SYTL3: variants seen among roughly 807,000 people sequenced by gnomAD.
SYTL3 encodes synaptotagmin like 3, also known as synaptotagmin-like protein 3.
SYTL3 carries 88 observed loss-of-function variants against 82.1 expected under a neutral mutation model. The observed-to-expected ratio is 1.07, with a 90% CI of 0.90 to 1.28. SYTL3 has a LOEUF of 1.28. Among genes scored for constraint, SYTL3 ranks in the 50% most tolerant of loss-of-function variants. SYTL3 has a pLI of 0.00. For missense variants in SYTL3, 831 were observed against 757.6 expected (o/e 1.10, Z -1.14); for synonymous variants, 311 against 289.4 (o/e 1.07, Z -0.76).
At chr6:158,655,761 A>G (rs1000924147) in intron 2 of SYTL3, among the ~76,000 whole-genome samples, 4 of 152,262 alleles carry the variant, frequency 2.6e-5, no homozygotes, top group South Asian at 2.1e-4. Context: ...GCACCTGTCT[A>G]CTTCGTAGAT....
At position 158,762,218 on chromosome 6, in the gene SYTL3, G is replaced by A. The variant is rs1438732711; in HGVS notation, c.1517+40G>A. 10 of 1,442,050 alleles carry A rather than the reference G, an allele frequency of 6.9e-6. 1 individual carries two copies. The highest frequency in any genetic ancestry group is 9.7e-6 in the Non-Finnish European group (10 of 1,027,592). The allele number at this position is 1,442,050 out of a possible 1,614,324, so 89.3% of individuals were successfully genotyped here. A position where few individuals can be genotyped will look rare whatever the true frequency, so the allele number is the denominator to read the frequency against. On this transcript the variant is annotated intron_variant, in intron 16 of 17. Transcript: ENST00000611299. ...TAATCAAATATTTATTGGTGATCTA[G>A]TATACATCACAACATGGCCCAGAAC...
intron 2 of SYTL3, among the ~76,000 whole-genome samples, chr6:158,659,804 G>A (rs567496788): frequency 1.3e-5 from 2 of 152,160 alleles, no homozygotes; most frequent in Non-Finnish European, 2.9e-5. Flanking sequence ...AGGTTGAAGT[G>A]GTCACTGTTT....
intron 10 of SYTL3, among the ~76,000 whole-genome samples, chr6:158,722,762 G>GTTTTTTTTTTTTTTTT (rs34189391): frequency 4.9e-5 from 4 of 80,896 alleles, no homozygotes; most frequent in Admixed American, 1.4e-4. Context: ...TCTCTTTTCT[G>GTTTTTTTTTTTTTTTT]TTTTTTTTTT....
At chr6:158,660,223 C>T (rs1018582743) in intron 2 of SYTL3, among the ~76,000 whole-genome samples, 2 of 152,148 alleles carry the variant, frequency 1.3e-5, no homozygotes, top group Non-Finnish European at 2.9e-5. Context: ...CGAGATCGCA[C>T]CACTGCACTC....
Position 158,760,724 on chromosome 6 carries a change from A to G in SYTL3, c.1393A>G (p.Lys465Glu), listed in dbSNP as rs770485347. 2.5e-6 allele frequency: 4 copies of G among 1,613,960 alleles called. No homozygotes were observed. The African/African-American group carries it at 4.0e-5, about 16-fold the overall frequency. The change falls in exon 15 of 18, where the codon AAA becomes GAA. Residue 465 changes from lysine to glutamate, a missense_variant. Transcript: ENST00000611299. ...GCTGGTTCTCCCTTCACGGCCCAGA[A>G]AACTCCAAGAGGCTCAAGAAGGTCA... ...AKLVLPSRPRKLQEAQEGTDQ... is the reference protein window; with the variant it reads ...AKLVLPSRPRELQEAQEGTDQ...
At chr6:158,720,406 CAAAAAAA>C (rs10640552) in intron 10 of SYTL3, among the ~76,000 whole-genome samples, 2 of 88,176 alleles carry the variant, frequency 2.3e-5, no homozygotes, top group Admixed American at 1.3e-4. Context: ...AACTTTGTCT[CAAAAAAA>C]AAAAAAAAAA....
intron 12 of SYTL3, among the ~76,000 whole-genome samples, chr6:158,748,459 T>C (rs1424075757): frequency 6.6e-6 from 1 of 152,206 alleles, no homozygotes; most frequent in Non-Finnish European, 1.5e-5. Context: ...TTCCTGACTT[T>C]TAAATTTCAA....
chr6:158,743,223 G>A (rs1358234569), intron 11 of SYTL3, among the ~76,000 whole-genome samples: 1 of 152,136 alleles, frequency 6.6e-6, no homozygotes, highest in African/African-American at 2.4e-5. Context: ...CAAGTCCTGT[G>A]TTGCTTACAC....
chr6:158,685,029 G>T (rs1043178244), intron 6 of SYTL3, among the ~76,000 whole-genome samples: 2 of 151,982 alleles, frequency 1.3e-5, no homozygotes, highest in Non-Finnish European at 1.5e-5. Flanking sequence ...TGATATCACA[G>T]ATATCATATA....
intron 9 of SYTL3, among the ~76,000 whole-genome samples, chr6:158,715,647 A>T (rs868338520): frequency 6.4e-5 from 1 of 15,622 alleles, no homozygotes; most frequent in Non-Finnish European, 1.3e-4. Context: ...ATACCCCCCC[A>T]CCACCCCCAC....
At chr6:158,707,709 G>A (rs1020027359) in intron 7 of SYTL3, among the ~76,000 whole-genome samples, 1 of 152,208 alleles carries the variant, frequency 6.6e-6, no homozygotes, top group Non-Finnish European at 1.5e-5. Flanking sequence ...TGAGAGATGT[G>A]AACTTCTTTG....
At chr6:158,654,461 C>G (rs1459804714) in intron 2 of SYTL3, among the ~76,000 whole-genome samples, 1 of 152,186 alleles carries the variant, frequency 6.6e-6, no homozygotes, top group Non-Finnish European at 1.5e-5. Context: ...AGATAAAGAC[C>G]AATGGAAACA....
At chr6:158,736,802 A>G (rs1215358445) in intron 11 of SYTL3, among the ~76,000 whole-genome samples, 1 of 151,738 alleles carries the variant, frequency 6.6e-6, no homozygotes, top group Non-Finnish European at 1.5e-5. Context: ...AAAAAAAAAA[A>G]AAAAGTAGAA....
At chr6:158,645,106 A>G (rs894165401), upstream of SYTL3, among the ~76,000 whole-genome samples, 1 of 152,232 alleles carries the variant, frequency 6.6e-6, no homozygotes, top group African/African-American at 2.4e-5. Context: ...GACACCTGGC[A>G]ACAAACTCGA....
chr6:158,671,092 CGG>C (rs1389656462), intron 5 of SYTL3, among the ~76,000 whole-genome samples: 1 of 151,996 alleles, frequency 6.6e-6, no homozygotes, highest in Non-Finnish European at 1.5e-5. Context: ...GCGTGAGCCA[CGG>C]CGCCCGGCCT....
At chr6:158,669,722 G>A (rs1777145807) in intron 5 of SYTL3, among the ~76,000 whole-genome samples, 1 of 152,188 alleles carries the variant, frequency 6.6e-6, no homozygotes, top group African/African-American at 2.4e-5. Context: ...TAGTTCTCAG[G>A]TTGGGTCTTG....
intron 5 of SYTL3, among the ~76,000 whole-genome samples, chr6:158,667,250 A>G (rs951694976): frequency 6.6e-6 from 1 of 152,232 alleles, no homozygotes; most frequent in Admixed American, 6.5e-5. Context: ...TCTCTGCCCT[A>G]GTGAGTCTTG....
At chr6:158,728,926 G>A (rs1403022935) in intron 11 of SYTL3, among the ~76,000 whole-genome samples, 1 of 152,232 alleles carries the variant, frequency 6.6e-6, no homozygotes, top group East Asian at 1.9e-4. Flanking sequence ...TGTAGTCCCA[G>A]CTACTCAGGA....
chr6:158,697,785 TC>T (rs998097769), intron 6 of SYTL3, among the ~76,000 whole-genome samples: 2 of 152,178 alleles, frequency 1.3e-5, no homozygotes, highest in African/African-American at 4.8e-5. Context: ...CCAGTCACCC[TC>T]GGCCTTGAGT....
Sources: gnomAD v4.1 joint callset for allele counts (sites outside exome capture counted in the v4.1 genomes callset) on GRCh38, gnomAD v4.1.1 for gene constraint, MANE v1.5 for transcripts, NCBI Gene and HGNC (gene_info 2026-07-23, HGNC 2026-07-21) for gene names.